The following PLXNA4 variants were observed in gnomAD, a reference collection of about 807,000 sequenced individuals.
PLXNA4 encodes plexin A4.
Under a neutral mutation model 191.8 loss-of-function variants are expected in PLXNA4, and 44 were observed. That is an observed-to-expected ratio of 0.23 (90% CI 0.18 to 0.29). The LOEUF is 0.29. Ranked by LOEUF, PLXNA4 falls within the 10% of genes least tolerant of loss-of-function variation. The pLI is 1.00. For synonymous variants in PLXNA4, 1,082 were observed against 1,009.5 expected, an observed-to-expected ratio of 1.07 and a Z score of -1.36; for missense variants, 1,800 against 2,488.8, an observed-to-expected ratio of 0.72 and a Z score of 5.89.
chr7:132,390,791 T>C (rs893859599), intron 3 of PLXNA4, among the ~76,000 whole-genome samples: 1 of 152,244 alleles, frequency 6.6e-6, no homozygotes, highest in Middle Eastern at 3.4e-3. Flanking sequence ...TTGCACTCCT[T>C]GAAAGTCCCA....
intron 3 of PLXNA4, among the ~76,000 whole-genome samples, chr7:132,426,793 G>A (rs1234935121): frequency 6.6e-6 from 1 of 152,102 alleles, no homozygotes; most frequent in Non-Finnish European, 1.5e-5. Flanking sequence ...AATGATTTGT[G>A]GCCCTCCAAA....
chr7:132,130,893 C>A (rs528541474), intron 31 of PLXNA4, among the ~76,000 whole-genome samples: 107 of 152,224 alleles, frequency 7.0e-4, no homozygotes, highest in African/African-American at 2.5e-3. Context: ...GTGCCTGTGC[C>A]GAGATGCTGC....
chr7:132,547,027 T>A (rs911096090), intron 1 of PLXNA4, among the ~76,000 whole-genome samples: 1 of 152,222 alleles, frequency 6.6e-6, no homozygotes, highest in African/African-American at 2.4e-5. Flanking sequence ...ATCTATGTTT[T>A]AAATACTTCC....
chr7:132,148,435 G>A, intron 26 of PLXNA4, 108 bp downstream of exon 26: 1 of 1,470,042 alleles, frequency 6.8e-7, no homozygotes, highest in Non-Finnish European at 9.2e-7. Flanking sequence ...AGGGAACATG[G>A]AGTGCTGGTG....
At chr7:132,442,035 C>T (rs1260713148) in intron 3 of PLXNA4, among the ~76,000 whole-genome samples, 1 of 152,188 alleles carries the variant, frequency 6.6e-6, no homozygotes, top group Non-Finnish European at 1.5e-5. Flanking sequence ...AGGGGCAAGA[C>T]AAGGGCACAG....
intron 10 of PLXNA4, among the ~76,000 whole-genome samples, chr7:132,205,319 C>T (rs1797579626): frequency 6.6e-6 from 1 of 152,266 alleles, no homozygotes; most frequent in Non-Finnish European, 1.5e-5. Context: ...AGGGCCCATC[C>T]CAGATCTGCC....
At chr7:132,289,838 ATT>A (rs67691950) in intron 4 of PLXNA4, among the ~76,000 whole-genome samples, 2 of 147,516 alleles carry the variant, frequency 1.4e-5, no homozygotes, top group African/African-American at 2.5e-5. Flanking sequence ...CAGCTAATTA[ATT>A]TTTTTTTTTT....
At chr7:132,615,926 G>GCT (rs1349796690) in intron 2 of PLXNA4, among the ~76,000 whole-genome samples, 1 of 27,784 alleles carries the variant, frequency 3.6e-5, no homozygotes, top group Non-Finnish European at 1.1e-4. Context: ...ACAGATAAAG[G>GCT]ATCTCTCTCT....
At chr7:132,241,315 T>G (rs1041886668) in intron 4 of PLXNA4, 149 bp from the exon 5 acceptor site, 21 of 573,918 alleles carry the variant, frequency 3.7e-5, no homozygotes, top group Middle Eastern at 3.4e-4. Flanking sequence ...GGAAGGGAAC[T>G]TGAGTGATTA....
chr7:132,448,275 C>T (rs1002441309), intron 3 of PLXNA4, among the ~76,000 whole-genome samples: 27 of 152,164 alleles, frequency 1.8e-4, no homozygotes, highest in African/African-American at 6.3e-4. Flanking sequence ...AAGGAGAAGA[C>T]AACTCACAGA....
intron 1 of PLXNA4, among the ~76,000 whole-genome samples, chr7:132,550,060 T>A (rs1169163834): frequency 6.6e-6 from 1 of 152,202 alleles, no homozygotes; most frequent in Non-Finnish European, 1.5e-5. Context: ...CTTGTTCTGC[T>A]GTGGCTGTTC....
chr7:132,201,973 C>T (rs1338784585), intron 12 of PLXNA4, among the ~76,000 whole-genome samples: 4 of 152,092 alleles, frequency 2.6e-5, no homozygotes, highest in African/African-American at 9.7e-5. Context: ...ACGCTCAGGC[C>T]CACCGCACAT....
intron 2 of PLXNA4, among the ~76,000 whole-genome samples, chr7:132,606,059 G>T (rs1207446162): frequency 6.6e-6 from 1 of 152,232 alleles, no homozygotes; most frequent in African/African-American, 2.4e-5. Flanking sequence ...AGCTACAAGG[G>T]AGGCTGAGGC....
intron 4 of PLXNA4, among the ~76,000 whole-genome samples, chr7:132,268,509 C>A (rs1322155046): frequency 6.6e-6 from 1 of 152,144 alleles, no homozygotes; most frequent in South Asian, 2.1e-4. Context: ...TCATGAGACA[C>A]TTATGAAAAA....
intron 3 of PLXNA4, among the ~76,000 whole-genome samples, chr7:132,334,569 T>C (rs1802740804): frequency 6.6e-6 from 1 of 152,098 alleles, no homozygotes; most frequent in Non-Finnish European, 1.5e-5. Flanking sequence ...CTGAGACATT[T>C]TTCTTACTCT....
chr7:132,381,779 T>C (rs1371677816), intron 3 of PLXNA4, among the ~76,000 whole-genome samples: 1 of 152,118 alleles, frequency 6.6e-6, no homozygotes, highest in African/African-American at 2.4e-5. Context: ...GGCTGAGGCT[T>C]TAATGGAGAG....
chr7:132,351,717 A>G (rs908776006), intron 3 of PLXNA4, among the ~76,000 whole-genome samples: 5 of 152,194 alleles, frequency 3.3e-5, no homozygotes, highest in Non-Finnish European at 7.3e-5. Flanking sequence ...CCAAGGACCT[A>G]GAGTCCCTGC....
chr7:132,179,809 A>C lies in PLXNA4; in HGVS notation c.3752T>G (p.Ile1251Ser), dbSNP rs1392579753. The change falls in exon 20 of 32, where the codon ATT (isoleucine) becomes AGT (serine). Residue 1251 changes from isoleucine to serine, a missense_variant. Physicochemically the swap from Ile to Ser is moderately radical, Grantham distance 142. Around this residue, in one of 6 missense-constraint regions of PLXNA4, gnomAD observed 1,397 missense variants for 1,880.4 expected, o/e 0.74. Transcript: ENST00000321063. ...GGCAATGAGCACGGCCACGATGAAA[A>C]TGATGAGGAGGCCGCCAGCCACTGC... ...SIAVAGGLLI[I>S]FIVAVLIAYK... The C allele has an allele frequency of 5.4e-5, 87 of 1,613,394 alleles. No individual in the cohort carries two copies. Among genetic ancestry groups the C allele is most frequent in the Non-Finnish European group, 7.1e-5 (84 of 1,179,974 alleles).
chr7:132,447,902 T>C (rs575000968), intron 3 of PLXNA4, among the ~76,000 whole-genome samples: 1 of 152,004 alleles, frequency 6.6e-6, no homozygotes, highest in South Asian at 2.1e-4. Context: ...TCCCAGCTAC[T>C]TAGGAGGCTG....
Sources: gnomAD v4.1 joint callset for allele counts (sites outside exome capture counted in the v4.1 genomes callset) on GRCh38, gnomAD v4.1.1 for gene constraint, gnomAD v4.1.1 regional missense constraint, MANE v1.5 for transcripts, NCBI Gene and HGNC (gene_info 2026-07-23, HGNC 2026-07-21) for gene names.